The following STX8 variants were observed in gnomAD, a reference collection of about 807,000 sequenced individuals.
STX8 encodes the protein syntaxin 8.
In STX8, 23 loss-of-function variants were observed where a neutral mutation model predicts 37.5. The ratio of observed to expected loss-of-function variants is 0.61; its 90% CI spans 0.44 to 0.87. The LOEUF (loss-of-function observed/expected upper bound fraction) is 0.87. STX8 is among the 40% of genes least tolerant of loss of function. The probability of loss-of-function intolerance (pLI) is 0.00; values close to 1 mark genes in which losing one functional copy is unlikely to be tolerated. For missense variants in STX8, 313 were observed against 284.7 expected (o/e 1.10, Z -0.71); for synonymous variants, 115 against 99.1 (o/e 1.16, Z -0.95).
At chr17:9,430,463 A>T (rs986449382) in intron 6 of STX8, among the ~76,000 whole-genome samples, 2 of 151,612 alleles carry the variant, frequency 1.3e-5, no homozygotes, top group Non-Finnish European at 2.9e-5. Flanking sequence ...CATATAAGTG[A>T]AATCATACAA....
At chr17:9,575,418 G>A (rs1907865469) in intron 1 of STX8, among the ~76,000 whole-genome samples, 1 of 152,176 alleles carries the variant, frequency 6.6e-6, no homozygotes, top group Admixed American at 6.5e-5. Context: ...GGACTGACAT[G>A]CTACAAAAAC....
chr17:9,265,627 G>A (rs972837065), intron 7 of STX8, among the ~76,000 whole-genome samples: 1 of 152,232 alleles, frequency 6.6e-6, no homozygotes, highest in East Asian at 1.9e-4. Context: ...CTCCTGACGT[G>A]GTTGGGAAAG....
At chr17:9,324,681 C>G (rs1475209523) in intron 7 of STX8, among the ~76,000 whole-genome samples, 1 of 148,518 alleles carries the variant, frequency 6.7e-6, no homozygotes, top group Non-Finnish European at 1.5e-5. Context: ...AGGAGAACTG[C>G]TTGAACCCGG....
intron 7 of STX8, among the ~76,000 whole-genome samples, chr17:9,360,227 CTTTTTTTTTTT>C (rs58213453): frequency 1.4e-5 from 1 of 72,610 alleles, no homozygotes; most frequent in African/African-American, 5.4e-5. Context: ...AATTAACCGT[CTTTTTTTTTTT>C]TTTTTTTTTT....
At chr17:9,504,946 C>A in intron 5 of STX8, 92 bp downstream of exon 5, 1 of 1,320,126 alleles carries the variant, frequency 7.6e-7, no homozygotes, top group South Asian at 1.5e-5. Context: ...TGCACTCCAG[C>A]CTAGGCGACA....
intron 4 of STX8, among the ~76,000 whole-genome samples, chr17:9,519,515 G>A (rs1316837087): frequency 6.6e-6 from 1 of 152,066 alleles, no homozygotes; most frequent in African/African-American, 2.4e-5. Context: ...CATGGTTACA[G>A]CCTTCTGATC....
chr17:9,314,422 G>T (rs571485940), intron 7 of STX8, among the ~76,000 whole-genome samples: 4 of 151,984 alleles, frequency 2.6e-5, no homozygotes, highest in Non-Finnish European at 5.9e-5. Flanking sequence ...TTTTGAGACG[G>T]AGTCTCACTC....
chr17:9,549,679 GTTTTATA>G (rs139809796), intron 3 of STX8, among the ~76,000 whole-genome samples: 2,005 of 152,254 alleles, frequency 0.013, 46 homozygotes, highest in African/African-American at 0.045. Flanking sequence ...CTGCCTCTTT[GTTTTATA>G]TTTTAATCTA....
chr17:9,453,386 G>C (rs755961264), intron 6 of STX8, among the ~76,000 whole-genome samples: 1 of 151,900 alleles, frequency 6.6e-6, no homozygotes, highest in Non-Finnish European at 1.5e-5. Flanking sequence ...TTGTGGGACA[G>C]ATGGTGAAGG....
chr17:9,326,564 T>C (rs542672618), intron 7 of STX8, among the ~76,000 whole-genome samples: 118 of 152,324 alleles, frequency 7.7e-4, no homozygotes, highest in Middle Eastern at 3.4e-3. Flanking sequence ...CTTTTTCTGA[T>C]ATAAAGTTGG....
At chr17:9,406,394 G>T (rs969675224) in intron 6 of STX8, among the ~76,000 whole-genome samples, 2 of 152,194 alleles carry the variant, frequency 1.3e-5, no homozygotes, top group Non-Finnish European at 1.5e-5. Flanking sequence ...AGGCAGAGAT[G>T]ATTAACATCA....
At chr17:9,500,409 G>C (rs1282740840) in intron 5 of STX8, among the ~76,000 whole-genome samples, 1 of 152,186 alleles carries the variant, frequency 6.6e-6, no homozygotes, top group Non-Finnish European at 1.5e-5. Context: ...CCTCATAAGA[G>C]TTCCCAAGCC....
intron 7 of STX8, among the ~76,000 whole-genome samples, chr17:9,320,924 A>G (rs1252093011): frequency 6.6e-6 from 1 of 150,856 alleles, no homozygotes; most frequent in African/African-American, 2.4e-5. Flanking sequence ...AGAAATCTTA[A>G]TTGTGATCCC....
chr17:9,290,400 G>A (rs1023152525), intron 7 of STX8, among the ~76,000 whole-genome samples: 1 of 152,200 alleles, frequency 6.6e-6, no homozygotes, highest in Non-Finnish European at 1.5e-5. Context: ...CAGGTATTGG[G>A]TGTTAGAGAC....
intron 6 of STX8, among the ~76,000 whole-genome samples, chr17:9,479,362 C>A (rs574585334): frequency 6.6e-6 from 1 of 151,910 alleles, no homozygotes; most frequent in African/African-American, 2.4e-5. Context: ...GGCGAAAACC[C>A]ATCTCTACTA....
intron 6 of STX8, among the ~76,000 whole-genome samples, chr17:9,397,201 G>C (rs1912434793): frequency 6.6e-6 from 1 of 152,208 alleles, no homozygotes; most frequent in Non-Finnish European, 1.5e-5. Context: ...TTCGAGACCA[G>C]CCTGGCCAAC....
intron 3 of STX8, among the ~76,000 whole-genome samples, chr17:9,552,177 C>A (rs979051779): frequency 1.3e-5 from 2 of 151,994 alleles, no homozygotes; most frequent in Non-Finnish European, 2.9e-5. Flanking sequence ...TGGCGAGACC[C>A]CATCTCTACA....
At chr17:9,339,133 G>C (rs1411131699) in intron 7 of STX8, among the ~76,000 whole-genome samples, 1 of 150,868 alleles carries the variant, frequency 6.6e-6, no homozygotes, top group Non-Finnish European at 1.5e-5. Flanking sequence ...GAGAATCACA[G>C]TATAAGACTA....
At chr17:9,534,396 A>G (rs923120018) in intron 4 of STX8, among the ~76,000 whole-genome samples, 6 of 152,164 alleles carry the variant, frequency 3.9e-5, no homozygotes, top group Admixed American at 2.0e-4. Flanking sequence ...AAAATTCAAC[A>G]TTGTAAAGGA....
Sources: allele counts gnomAD v4.1 joint callset (sites outside exome capture counted in the v4.1 genomes callset), GRCh38; gene constraint gnomAD v4.1.1; transcripts MANE v1.5; gene names NCBI Gene and HGNC (gene_info 2026-07-23, HGNC 2026-07-21).